Variants in HECW1 observed in about 807,000 individuals in gnomAD.
The protein encoded by HECW1 is HECT, C2 and WW domain containing E3 ubiquitin protein ligase 1, also known as E3 ubiquitin-protein ligase HECW1.
In HECW1, 61 loss-of-function variants were observed where a neutral mutation model predicts 182.3. The observed-to-expected ratio is 0.33, with a 90% CI of 0.27 to 0.41. HECW1 has a LOEUF of 0.41. HECW1 is among the 10% of genes least tolerant of loss of function. The pLI, the probability that HECW1 is intolerant of heterozygous loss-of-function variation, is 1.00. For missense variants in HECW1, 1,739 were observed against 2,108.9 expected (o/e 0.82, Z 3.44); for synonymous variants, 859 against 832.6 (o/e 1.03, Z -0.55).
Position 43,366,696 on chromosome 7 carries a change from A to G in HECW1, c.555+5716A>G, listed in dbSNP as rs528543868. Among the ~76,000 whole-genome samples, 5 of 152,328 alleles carry G rather than the reference A, an allele frequency of 3.3e-5. No individual in the cohort carries two copies. In the South Asian group the frequency reaches 1.0e-3, roughly 32 times the overall value. On this transcript the variant is annotated intron_variant, in intron 6 of 29. Coordinates refer to ENST00000395891, the MANE Select transcript of HECW1 (RefSeq NM_015052.5). Reference sequence around the variant, plus strand: ...TTCCAATAAACATCAATCACCATGTATCTTCAATATTGGGGTGAAGGTCCC... The same window carrying G: ...TTCCAATAAACATCAATCACCATGTGTCTTCAATATTGGGGTGAAGGTCCC...
At chr7:43,247,946 A>G (rs1384248023) in intron 3 of HECW1, among the ~76,000 whole-genome samples, 3 of 136,966 alleles carry the variant, frequency 2.2e-5, no homozygotes, top group Admixed American at 1.4e-4. Context: ...AGAGAGAAAA[A>G]AGGAGGGAAG....
chr7:43,260,468 A>G (rs1554332498), intron 3 of HECW1, among the ~76,000 whole-genome samples: 1 of 152,240 alleles, frequency 6.6e-6, no homozygotes, highest in Admixed American at 6.5e-5. Context: ...AATATGGATT[A>G]TTGTTTTCAT....
chr7:43,471,193 C>T (rs909224805), intron 16 of HECW1, among the ~76,000 whole-genome samples: 6 of 152,142 alleles, frequency 3.9e-5, no homozygotes, highest in African/African-American at 1.4e-4. Context: ...TATCTCATTG[C>T]CAAAGCCCAT....
chr7:43,184,757 G>A (rs147466094), intron 2 of HECW1, among the ~76,000 whole-genome samples: 249 of 152,304 alleles, frequency 1.6e-3, no homozygotes, highest in African/African-American at 5.7e-3. Context: ...AAAGAGAAGA[G>A]GTTTAGTTGG....
chr7:43,422,716 AC>A, intron 8 of HECW1, among the ~76,000 whole-genome samples: 1 of 152,164 alleles, frequency 6.6e-6, no homozygotes, highest in South Asian at 2.1e-4. Context: ...AATTATATAT[AC>A]TGGTAGATTG....
At chr7:43,360,391 T>C (rs1815719256) in intron 5 of HECW1, among the ~76,000 whole-genome samples, 1 of 152,096 alleles carries the variant, frequency 6.6e-6, no homozygotes, top group Non-Finnish European at 1.5e-5. Flanking sequence ...TCTATAGAAC[T>C]TTGAAGGAAA....
rs183460705 is a variant in HECW1, at chr7:43,464,783, G to A, written c.2791+984G>A. Among the ~76,000 whole-genome samples, 84 of 152,102 alleles carry A rather than the reference G, an allele frequency of 5.5e-4. 1 individual carries two copies. The highest frequency in any genetic ancestry group is 2.0e-3 in the African/African-American group (82 of 41,484). On this transcript the variant is annotated intron_variant, in intron 14 of 29. Coordinates refer to ENST00000395891, the MANE Select transcript of HECW1 (RefSeq NM_015052.5). ...TTTTACCAGGTATGCTAACTAAACT[G>A]ACTAGTTTAGGTTTTTCTGTTATTA... is the stretch of plus-strand genomic sequence containing the variant.
At position 43,432,454 on chromosome 7, in the gene HECW1, T is replaced by C. The variant is rs957181532; in HGVS notation, c.802-5549T>C. ...GCGCCCGGCCCAGTTGTTTATTTTT[T>C]AAGACTCAGTTAAAGCATTATGTTC... On this transcript the variant is annotated intron_variant, in intron 8 of 29. Coordinates refer to ENST00000395891, the MANE Select transcript of HECW1 (RefSeq NM_015052.5). The surrounding 1 kb of genome is among the most constrained non-coding windows in gnomAD (Gnocchi z 4.1). 2.0e-5 allele frequency among the ~76,000 whole-genome samples: 3 copies of C among 152,248 alleles called. No homozygotes were observed. Among genetic ancestry groups the C allele is most frequent in the Admixed American group, 2.0e-4 (3 of 15,290 alleles).
intron 6 of HECW1, among the ~76,000 whole-genome samples, chr7:43,392,526 A>G (rs1211460332): frequency 6.6e-6 from 1 of 152,218 alleles, no homozygotes; most frequent in African/African-American, 2.4e-5. Context: ...TTTTAAAATA[A>G]AGACAATTTA....
intron 8 of HECW1, among the ~76,000 whole-genome samples, chr7:43,422,973 A>G (rs1178741508): frequency 6.6e-6 from 1 of 152,214 alleles, no homozygotes; most frequent in Non-Finnish European, 1.5e-5. Context: ...CTAAGTGATT[A>G]CTGTCATCAG....
At chr7:43,281,955 C>A (rs920781170) in intron 3 of HECW1, among the ~76,000 whole-genome samples, 2 of 152,154 alleles carry the variant, frequency 1.3e-5, no homozygotes, top group Non-Finnish European at 2.9e-5. Context: ...CTGACACTCT[C>A]TCCATGAGCC....
At chr7:43,376,610 A>C (rs1016325330) in intron 6 of HECW1, among the ~76,000 whole-genome samples, 1 of 152,208 alleles carries the variant, frequency 6.6e-6, no homozygotes, top group African/African-American at 2.4e-5. Context: ...TACACCTATA[A>C]TCCCAGCACT....
chr7:43,338,970 A>G (rs940859024), intron 5 of HECW1, among the ~76,000 whole-genome samples: 1 of 152,188 alleles, frequency 6.6e-6, no homozygotes, highest in African/African-American at 2.4e-5. Flanking sequence ...CGGGAACTCA[A>G]AGTTAGGTGT....
chr7:43,314,188 T>A (rs778204261), intron 4 of HECW1, among the ~76,000 whole-genome samples: 4 of 152,122 alleles, frequency 2.6e-5, no homozygotes, highest in Non-Finnish European at 5.9e-5. Flanking sequence ...TCAAGTTAGG[T>A]ACCCACTGGA....
chr7:43,229,669 C>T (rs1039225667), intron 2 of HECW1, among the ~76,000 whole-genome samples: 3 of 151,976 alleles, frequency 2.0e-5, no homozygotes, highest in Admixed American at 6.6e-5. Context: ...ATAAATAAAG[C>T]GGCCTCTGAT....
At chr7:43,201,109 A>G (rs1309963608) in intron 2 of HECW1, among the ~76,000 whole-genome samples, 1 of 152,254 alleles carries the variant, frequency 6.6e-6, no homozygotes, top group South Asian at 2.1e-4. Flanking sequence ...ACAAAAAGTA[A>G]CAGACTTGCT....
intron 5 of HECW1, among the ~76,000 whole-genome samples, chr7:43,330,318 G>T (rs1335786482): frequency 2.0e-5 from 3 of 152,234 alleles, no homozygotes; most frequent in African/African-American, 4.8e-5. Flanking sequence ...ACAAGAGCAT[G>T]CTGGCAGGCC....
chr7:43,527,546 G>C (rs538688134), intron 24 of HECW1, among the ~76,000 whole-genome samples: 2 of 152,204 alleles, frequency 1.3e-5, no homozygotes, highest in Admixed American at 1.3e-4. Context: ...GGCCCACCTG[G>C]ATAATCCAAG....
At chr7:43,419,847 C>A (rs2076125328) in intron 8 of HECW1, among the ~76,000 whole-genome samples, 1 of 152,200 alleles carries the variant, frequency 6.6e-6, no homozygotes, top group African/African-American at 2.4e-5. Flanking sequence ...GTACGCCGAA[C>A]AAAGGAGACA....
Sources: allele counts gnomAD v4.1 joint callset (sites outside exome capture counted in the v4.1 genomes callset), GRCh38; gene constraint gnomAD v4.1.1; non-coding constraint Gnocchi (gnomAD v3.1); transcripts MANE v1.5; gene names NCBI Gene and HGNC (gene_info 2026-07-23, HGNC 2026-07-21).